CTNNA3: variants seen among roughly 807,000 people sequenced by gnomAD.
CTNNA3 encodes catenin alpha-3.
CTNNA3 carries 76 observed loss-of-function variants against 95.7 expected under a neutral mutation model. The ratio of observed to expected loss-of-function variants is 0.79; its 90% CI spans 0.66 to 0.96. CTNNA3 has a LOEUF of 0.96. Among genes scored for constraint, CTNNA3 ranks in the 40% least tolerant of loss-of-function variants. The pLI, the probability that CTNNA3 is intolerant of heterozygous loss-of-function variation, is 0.00. For missense variants in CTNNA3, 1,191 were observed against 1,089.8 expected (o/e 1.09, Z -1.31); for synonymous variants, 431 against 374.4 (o/e 1.15, Z -1.74).
At chr10:66,013,061 TG>T (rs2079034881) in intron 15 of CTNNA3, among the ~76,000 whole-genome samples, 1 of 152,146 alleles carries the variant, frequency 6.6e-6, no homozygotes, top group South Asian at 2.1e-4. Flanking sequence ...CCATGACACC[TG>T]GCTAATTTTT....
chr10:66,513,705 G>A (rs755886130), intron 11 of CTNNA3, among the ~76,000 whole-genome samples: 4 of 152,156 alleles, frequency 2.6e-5, no homozygotes, highest in Non-Finnish European at 5.9e-5. Context: ...TCAGGCCCCT[G>A]GGCATTGTGT....
intron 7 of CTNNA3, chr10:66,925,959 C>T (rs1847042318): frequency 2.2e-6 from 1 of 454,190 alleles, no homozygotes; most frequent in South Asian, 1.6e-5. Flanking sequence ...AAAAGAGAGA[C>T]ATTTCTGCAC....
At chr10:66,693,132 TG>T (rs1847618998) in intron 9 of CTNNA3, among the ~76,000 whole-genome samples, 1 of 152,092 alleles carries the variant, frequency 6.6e-6, no homozygotes, top group Non-Finnish European at 1.5e-5. Context: ...TAAATGTAAA[TG>T]GACTAGATGC....
chr10:66,370,717 T>C (rs1311713796), intron 12 of CTNNA3, among the ~76,000 whole-genome samples: 4 of 152,068 alleles, frequency 2.6e-5, no homozygotes, highest in African/African-American at 9.7e-5. Flanking sequence ...GATTTTATTT[T>C]ATTTTTTTGA....
intron 5 of CTNNA3, among the ~76,000 whole-genome samples, chr10:67,452,812 T>A (rs1192594792): frequency 1.3e-5 from 2 of 152,210 alleles, no homozygotes; most frequent in African/African-American, 4.8e-5. Context: ...TAATGTGTTG[T>A]TAAAATTGTC....
intron 11 of CTNNA3, among the ~76,000 whole-genome samples, chr10:66,479,274 T>C (rs1034039979): frequency 1.3e-5 from 2 of 149,252 alleles, no homozygotes; most frequent in African/African-American, 5.0e-5. Flanking sequence ...CCTCAATTTG[T>C]ATGCCAGTAC....
chr10:66,076,896 A>G (rs936930363), intron 14 of CTNNA3, among the ~76,000 whole-genome samples: 3 of 151,748 alleles, frequency 2.0e-5, no homozygotes, highest in Non-Finnish European at 4.4e-5. Flanking sequence ...CAGATCTCCT[A>G]TAATGAAACC....
At chr10:67,478,480 C>G (rs376660933) in intron 5 of CTNNA3, among the ~76,000 whole-genome samples, 2 of 152,142 alleles carry the variant, frequency 1.3e-5, no homozygotes, top group South Asian at 2.1e-4. Context: ...AGCTCATTTT[C>G]AGCATTCTAA....
At chr10:66,650,178 A>G (rs1270913482) in intron 9 of CTNNA3, among the ~76,000 whole-genome samples, 2 of 152,212 alleles carry the variant, frequency 1.3e-5, no homozygotes, top group Non-Finnish European at 2.9e-5. Flanking sequence ...CACACAGAAC[A>G]TTCTTCAGGG....
chr10:67,340,182 G>A (rs191111390), intron 5 of CTNNA3, among the ~76,000 whole-genome samples: 4 of 152,266 alleles, frequency 2.6e-5, no homozygotes, highest in Non-Finnish European at 4.4e-5. Flanking sequence ...ACAAGGGCAG[G>A]AGGAAGGAGG....
chr10:67,232,615 T>C (rs1865269694), intron 5 of CTNNA3, among the ~76,000 whole-genome samples: 1 of 149,276 alleles, frequency 6.7e-6, no homozygotes, highest in Non-Finnish European at 1.5e-5. Flanking sequence ...ACGAGCAAAA[T>C]AACCAGCTAA....
intron 1 of CTNNA3, among the ~76,000 whole-genome samples, chr10:67,658,072 T>G (rs1038520558): frequency 6.6e-6 from 1 of 151,950 alleles, no homozygotes; most frequent in African/African-American, 2.4e-5. Context: ...TGCTAAAGAG[T>G]TCTTAAATTC....
In CTNNA3 at chr10:67,581,606, A is replaced by T. The variant is rs554140984; in HGVS notation, c.292+25251T>A. Among the ~76,000 whole-genome samples, 14 of 152,070 alleles carry T rather than the reference A, an allele frequency of 9.2e-5. No homozygotes were observed. The East Asian group carries it at 2.1e-3, about 23-fold the overall frequency. Reference sequence around the variant, plus strand: ...GTTAGGGAGGATTCCCTCTTTTTCTATTGATTGGAATAGTTTCAGAAGGAA... The same window carrying T: ...GTTAGGGAGGATTCCCTCTTTTTCTTTTGATTGGAATAGTTTCAGAAGGAA... On this transcript the variant is annotated intron_variant, in intron 3 of 17. Coordinates refer to ENST00000433211, the MANE Select transcript of CTNNA3 (RefSeq NM_013266.4).
At chr10:67,000,674 A>C (rs1404124017) in intron 7 of CTNNA3, among the ~76,000 whole-genome samples, 1 of 152,176 alleles carries the variant, frequency 6.6e-6, no homozygotes, top group African/African-American at 2.4e-5. Context: ...ATTAAACTGA[A>C]TTAGATATAT....
intron 5 of CTNNA3, among the ~76,000 whole-genome samples, chr10:67,276,245 C>G (rs1222388800): frequency 6.6e-6 from 1 of 152,088 alleles, no homozygotes; most frequent in Non-Finnish European, 1.5e-5. Flanking sequence ...ATGTTTTTGT[C>G]TGATTGGAGA....
intron 5 of CTNNA3, among the ~76,000 whole-genome samples, chr10:67,484,199 T>C (rs1439035763): frequency 1.3e-5 from 2 of 151,798 alleles, no homozygotes; most frequent in Admixed American, 1.3e-4. Context: ...TTTGACAAAG[T>C]TTACAAAAAC....
At chr10:67,407,008 A>T (rs1428485003) in intron 5 of CTNNA3, among the ~76,000 whole-genome samples, 2 of 152,322 alleles carry the variant, frequency 1.3e-5, no homozygotes, top group East Asian at 1.9e-4. Context: ...AGCTGGTACC[A>T]TTCCTATTGA....
intron 13 of CTNNA3, among the ~76,000 whole-genome samples, chr10:66,138,132 A>T (rs1039343665): frequency 1.3e-5 from 2 of 152,170 alleles, no homozygotes; most frequent in African/African-American, 4.8e-5. Flanking sequence ...AGAAATAATA[A>T]TAAACCCAAA....
intron 6 of CTNNA3, among the ~76,000 whole-genome samples, chr10:67,198,213 G>A (rs1374991057): frequency 6.6e-6 from 1 of 152,044 alleles, no homozygotes; most frequent in Non-Finnish European, 1.5e-5. Flanking sequence ...ATTATGTCAT[G>A]ATATGTTGTG....
Sources: allele counts gnomAD v4.1 joint callset (sites outside exome capture counted in the v4.1 genomes callset), GRCh38; gene constraint gnomAD v4.1.1; transcripts MANE v1.5; gene names NCBI Gene and HGNC (gene_info 2026-07-23, HGNC 2026-07-21).